LGSN: variants seen among roughly 807,000 people sequenced by gnomAD.
LGSN encodes the protein lengsin, lens protein with glutamine synthetase domain.
Under a neutral mutation model 19.5 loss-of-function variants are expected in LGSN, and 21 were observed. The observed-to-expected ratio is 1.07, with a 90% confidence interval of 0.76 to 1.55. The LOEUF is 1.55. LGSN is among the 40% of genes most tolerant of loss of function. LGSN has a pLI of 0.00. For synonymous variants in LGSN, 257 were observed against 215.6 expected, an observed-to-expected ratio of 1.19 and a Z score of -1.68; for missense variants, 673 against 608.5, an observed-to-expected ratio of 1.11 and a Z score of -1.12.
intron 2 of LGSN, 133 bp from the exon 3 acceptor site, chr6:63,285,886 G>T: frequency 2.9e-6 from 2 of 688,516 alleles, no homozygotes; most frequent in Non-Finnish European, 4.9e-6. Context: ...CTGGCTTAGA[G>T]TTGGATATCT....
the LGSN span, among the ~76,000 whole-genome samples, chr6:63,446,036 G>A: frequency 1.3e-5 from 2 of 152,032 alleles, no homozygotes; most frequent in Non-Finnish European, 2.9e-5. Context: ...GTCACTCGAG[G>A]TCAGGAGTTC....
At chr6:63,305,183 A>C (rs1014075621) in intron 1 of LGSN, among the ~76,000 whole-genome samples, 1 of 152,150 alleles carries the variant, frequency 6.6e-6, no homozygotes, top group Non-Finnish European at 1.5e-5. Flanking sequence ...CAGCATAATA[A>C]AGAGGTCCCC....
chr6:63,420,245 C>G, the LGSN span, among the ~76,000 whole-genome samples: 3 of 151,816 alleles, frequency 2.0e-5, no homozygotes, highest in African/African-American at 7.3e-5. Context: ...CACTCCTAGA[C>G]TTTTCCCTTC....
chr6:63,288,042 C>A (rs997475457), intron 2 of LGSN, among the ~76,000 whole-genome samples: 1 of 151,470 alleles, frequency 6.6e-6, no homozygotes, highest in Admixed American at 6.6e-5. Flanking sequence ...GGTGAAACCC[C>A]GTCTCTACAA....
chr6:63,298,742 G>A (rs1199204071), intron 1 of LGSN, among the ~76,000 whole-genome samples: 4 of 152,140 alleles, frequency 2.6e-5, no homozygotes, highest in African/African-American at 9.7e-5. Flanking sequence ...ATAGTGGAAT[G>A]CTCCAAATAA....
the LGSN span, among the ~76,000 whole-genome samples, chr6:63,434,624 A>T: frequency 6.7e-6 from 1 of 148,232 alleles, no homozygotes; most frequent in South Asian, 2.1e-4. Flanking sequence ...AAAAAAAAAA[A>T]GAAAGAAAGA....
intron 2 of LGSN, chr6:63,293,717 G>A (rs768032658): frequency 4.4e-6 from 2 of 456,486 alleles, no homozygotes; most frequent in South Asian, 3.1e-5. Flanking sequence ...TTGTTCTGGG[G>A]GGCAAAGGTT....
chr6:63,554,613 C>A, the LGSN span, among the ~76,000 whole-genome samples: 1 of 152,128 alleles, frequency 6.6e-6, no homozygotes, highest in African/African-American at 2.4e-5. Flanking sequence ...GCCTGGCCAA[C>A]ATGGTGAAAC....
the LGSN span, among the ~76,000 whole-genome samples, chr6:63,466,441 T>C: frequency 6.6e-6 from 1 of 152,116 alleles, no homozygotes; most frequent in Non-Finnish European, 1.5e-5. Flanking sequence ...AACAGAAAAG[T>C]GATCTGAATG....
intron 1 of LGSN, among the ~76,000 whole-genome samples, chr6:63,298,763 C>T (rs776860527): frequency 1.3e-4 from 20 of 152,282 alleles, no homozygotes; most frequent in Middle Eastern, 6.8e-3. Flanking sequence ...ACAACACCAA[C>T]ACCACACTTT....
At chr6:63,353,358 C>T in the LGSN span, among the ~76,000 whole-genome samples, 3 of 152,124 alleles carry the variant, frequency 2.0e-5, no homozygotes, top group African/African-American at 7.2e-5. Flanking sequence ...AACAGGGTCT[C>T]CTGTGCAGAA....
At chr6:63,523,498 G>A in the LGSN span, among the ~76,000 whole-genome samples, 1 of 152,044 alleles carries the variant, frequency 6.6e-6, no homozygotes, top group Non-Finnish European at 1.5e-5. Context: ...GCAACAGAGT[G>A]AGACTCCATC....
At chr6:63,403,620 A>G in the LGSN span, among the ~76,000 whole-genome samples, 1 of 152,220 alleles carries the variant, frequency 6.6e-6, no homozygotes, top group Admixed American at 6.6e-5. Context: ...AATACAATTG[A>G]TAAAACTCTA....
the LGSN span, among the ~76,000 whole-genome samples, chr6:63,529,922 A>T: frequency 6.6e-6 from 1 of 152,194 alleles, no homozygotes; most frequent in Non-Finnish European, 1.5e-5. Context: ...CTATTAAAGA[A>T]ATAGGATATT....
At chr6:63,326,303 T>A in the LGSN span, among the ~76,000 whole-genome samples, 2 of 152,052 alleles carry the variant, frequency 1.3e-5, no homozygotes, top group Non-Finnish European at 2.9e-5. Flanking sequence ...AGATACAGAG[T>A]GCCGATTGGT....
At chr6:63,549,458 C>T in the LGSN span, 1 of 793,248 alleles carries the variant, frequency 1.3e-6, no homozygotes, top group South Asian at 1.4e-5. Flanking sequence ...TTCTTCACGA[C>T]AGCAGGGCCG....
the LGSN span, among the ~76,000 whole-genome samples, chr6:63,492,815 C>A: frequency 1.3e-5 from 2 of 152,224 alleles, no homozygotes; most frequent in African/African-American, 2.4e-5. Flanking sequence ...ACATCTAAAT[C>A]CAACTTTAAA....
chr6:63,497,883 C>T, the LGSN span, among the ~76,000 whole-genome samples: 1 of 149,218 alleles, frequency 6.7e-6, no homozygotes, highest in East Asian at 1.9e-4. Flanking sequence ...AAATTATTTC[C>T]TTGTTCTTCA....
upstream of LGSN, chr6:63,320,034 T>G (rs1769031583): frequency 1.0e-6 from 1 of 957,902 alleles, no homozygotes; most frequent in Non-Finnish European, 1.7e-6. Context: ...CAACAAAGAC[T>G]GCAGATGATG....
Sources: allele counts gnomAD v4.1 joint callset (sites outside exome capture counted in the v4.1 genomes callset), GRCh38; gene constraint gnomAD v4.1.1; transcripts MANE v1.5; gene names NCBI Gene and HGNC (gene_info 2026-07-23, HGNC 2026-07-21).